TSPAN5: variants seen among roughly 807,000 people sequenced by gnomAD.
TSPAN5 encodes tetraspanin 5.
In TSPAN5, 10 loss-of-function variants were observed where a neutral mutation model predicts 37.1. The ratio of observed to expected loss-of-function variants is 0.27; its 90% CI spans 0.17 to 0.46. TSPAN5 has a LOEUF of 0.46. TSPAN5 is among the 20% of genes least tolerant of loss of function. The probability of loss-of-function intolerance (pLI) is 1.00; values close to 1 mark genes in which losing one functional copy is unlikely to be tolerated. For synonymous variants in TSPAN5, 110 were observed against 118.9 expected (o/e 0.93, Z 0.48); for missense variants, 195 against 326.6 (o/e 0.60, Z 3.11).
intron 1 of TSPAN5, among the ~76,000 whole-genome samples, chr4:98,547,785 T>C (rs1434841584): frequency 6.6e-6 from 1 of 151,668 alleles, no homozygotes; most frequent in Non-Finnish European, 1.5e-5. Flanking sequence ...GGTAGACGGA[T>C]CACTTGAGTC....
intron 1 of TSPAN5, among the ~76,000 whole-genome samples, chr4:98,569,910 T>G (rs1235351314): frequency 6.6e-6 from 1 of 152,224 alleles, no homozygotes; most frequent in Non-Finnish European, 1.5e-5. Flanking sequence ...TTACTCTGCC[T>G]GTCACTAGGG....
At chr4:98,517,267 G>A (rs1753755668) in intron 1 of TSPAN5, among the ~76,000 whole-genome samples, 1 of 152,164 alleles carries the variant, frequency 6.6e-6, no homozygotes, top group African/African-American at 2.4e-5. Context: ...TACTTGCTGT[G>A]TAAGGAATAT....
intron 1 of TSPAN5, among the ~76,000 whole-genome samples, chr4:98,608,511 C>T (rs1471213387): frequency 1.3e-5 from 2 of 152,174 alleles, no homozygotes; most frequent in African/African-American, 4.8e-5. Context: ...CGCAATCAGT[C>T]ACCACGGAGA....
chr4:98,621,364 C>CT (rs59414794), intron 1 of TSPAN5, among the ~76,000 whole-genome samples: 1,276 of 102,650 alleles, frequency 0.012, 46 homozygotes, highest in African/African-American at 0.04. Context: ...CAATATGTCA[C>CT]TTTTTTTTTT....
intron 1 of TSPAN5, among the ~76,000 whole-genome samples, chr4:98,518,975 T>A (rs1012742949): frequency 5.3e-5 from 8 of 152,228 alleles, no homozygotes; most frequent in Non-Finnish European, 7.3e-5. Context: ...AAACAAGTTA[T>A]CAGATTTGCA....
At chr4:98,610,865 C>G (rs1026709008) in intron 1 of TSPAN5, among the ~76,000 whole-genome samples, 18 of 152,136 alleles carry the variant, frequency 1.2e-4, no homozygotes, top group African/African-American at 4.3e-4. Flanking sequence ...GTACTGAACT[C>G]CCCTAGCTCT....
intron 1 of TSPAN5, among the ~76,000 whole-genome samples, chr4:98,640,806 C>G (rs886107641): frequency 1.2e-4 from 18 of 152,190 alleles, no homozygotes; most frequent in Non-Finnish European, 2.5e-4. Context: ...TCCCAGGTGA[C>G]AGTGAACCAA....
intron 2 of TSPAN5, among the ~76,000 whole-genome samples, chr4:98,501,339 G>A (rs1411604903): frequency 2.0e-5 from 3 of 152,130 alleles, no homozygotes; most frequent in African/African-American, 7.2e-5. Context: ...ATAACTCCAT[G>A]ACATAGCCAG....
chr4:98,614,716 T>G (rs1371424266), intron 1 of TSPAN5, among the ~76,000 whole-genome samples: 8 of 152,250 alleles, frequency 5.3e-5, no homozygotes, highest in Admixed American at 4.6e-4. Context: ...AATGTATTAA[T>G]TCATAGTGCA....
At chr4:98,655,373 T>C (rs1368767550) in intron 1 of TSPAN5, among the ~76,000 whole-genome samples, 4 of 152,178 alleles carry the variant, frequency 2.6e-5, no homozygotes, top group Non-Finnish European at 1.5e-5. Context: ...ACTCATTCTG[T>C]GTAAGAACTA....
chr4:98,558,148 C>A (rs1049339351), intron 1 of TSPAN5, among the ~76,000 whole-genome samples: 1 of 150,168 alleles, frequency 6.7e-6, no homozygotes, highest in Non-Finnish European at 1.5e-5. Context: ...ACTTGTTCCC[C>A]GGTGACGCAA....
intron 1 of TSPAN5, among the ~76,000 whole-genome samples, chr4:98,551,503 T>C (rs1188546628): frequency 1.4e-5 from 2 of 147,604 alleles, no homozygotes; most frequent in Non-Finnish European, 3.0e-5. Flanking sequence ...TTTTTTTTTT[T>C]TTTTTTGAGA....
intron 1 of TSPAN5, among the ~76,000 whole-genome samples, chr4:98,534,176 C>T (rs904332315): frequency 6.6e-6 from 1 of 152,108 alleles, no homozygotes; most frequent in Admixed American, 6.6e-5. Context: ...TCCCTCTGCA[C>T]ACTGCTTTAA....
chr4:98,605,534 A>G (rs575977236), intron 1 of TSPAN5, among the ~76,000 whole-genome samples: 1 of 152,338 alleles, frequency 6.6e-6, no homozygotes, highest in South Asian at 2.1e-4. Flanking sequence ...GACCCAAAGA[A>G]TGTCCAAAAG....
chr4:98,478,108 G>A (rs1409692802), intron 5 of TSPAN5, among the ~76,000 whole-genome samples: 1 of 152,108 alleles, frequency 6.6e-6, no homozygotes, highest in Non-Finnish European at 1.5e-5. Flanking sequence ...CTATAGTCAT[G>A]ATGACATTCA....
intron 1 of TSPAN5, among the ~76,000 whole-genome samples, chr4:98,582,567 C>T (rs966767474): frequency 6.6e-6 from 1 of 152,232 alleles, no homozygotes. Context: ...ATCTCATCTC[C>T]AAAAAGCTCA....
chr4:98,511,047 A>G (rs1027200911), intron 1 of TSPAN5, among the ~76,000 whole-genome samples: 4 of 152,212 alleles, frequency 2.6e-5, no homozygotes, highest in African/African-American at 9.6e-5. Context: ...TCTGAAACCC[A>G]GGGAGGCCCA....
rs149357342 is a variant in TSPAN5 at position 98,641,425 on chromosome 4, C to A, written c.81+16721G>T. On this transcript the variant is annotated intron_variant, in intron 1 of 7. Coordinates refer to ENST00000305798, the MANE Select transcript of TSPAN5 (RefSeq NM_005723.4). ...ATTTTATGTGCAAATTAATTGGAAACCTTTGTGTTTCTGCTAACTTAAAGG... is the reference window on the plus strand; with the variant it reads ...ATTTTATGTGCAAATTAATTGGAAAACTTTGTGTTTCTGCTAACTTAAAGG... 5.3e-5 allele frequency among the ~76,000 whole-genome samples: 8 copies of A among 152,254 alleles called. No individual in the cohort carries two copies. The South Asian group carries it at 1.2e-3, about 24-fold the overall frequency.
At chr4:98,482,299 T>C (rs1752857580) in intron 3 of TSPAN5, 124 bp from the exon 4 acceptor site, 1 of 781,934 alleles carries the variant, frequency 1.3e-6, no homozygotes, top group Non-Finnish European at 2.0e-6. Context: ...CCAAAGCAGA[T>C]AATCTTCAGT....
Sources: allele counts gnomAD v4.1 joint callset (sites outside exome capture counted in the v4.1 genomes callset), GRCh38; gene constraint gnomAD v4.1.1; transcripts MANE v1.5; gene names NCBI Gene and HGNC (gene_info 2026-07-23, HGNC 2026-07-21).